CCSER1: variants seen among roughly 807,000 people sequenced by gnomAD.
CCSER1 encodes the protein serine-rich coiled-coil domain-containing protein 1.
A neutral mutation model predicts 82.0 loss-of-function variants in CCSER1; 41 were observed. The observed-to-expected ratio is 0.50, with a 90% CI of 0.39 to 0.65. The LOEUF (loss-of-function observed/expected upper bound fraction) is 0.65, where lower values mean the gene tolerates loss of function less well. Among genes scored for constraint, CCSER1 ranks in the 30% least tolerant of loss-of-function variants. The pLI is 0.00. For missense variants in CCSER1, 1,119 were observed against 1,064.2 expected, an observed-to-expected ratio of 1.05 and a Z score of -0.72; for synonymous variants, 414 against 383.9, an observed-to-expected ratio of 1.08 and a Z score of -0.92.
At chr4:90,804,585 G>T (rs1246371515) in intron 7 of CCSER1, among the ~76,000 whole-genome samples, 1 of 151,988 alleles carries the variant, frequency 6.6e-6, no homozygotes, top group African/African-American at 2.4e-5. Flanking sequence ...GTCTGTTTTG[G>T]TACCAGTACC....
intron 1 of CCSER1, among the ~76,000 whole-genome samples, chr4:90,208,566 G>T (rs1417714064): frequency 6.6e-6 from 1 of 151,982 alleles, no homozygotes; most frequent in African/African-American, 2.4e-5. Context: ...AAAAACTCCT[G>T]CAGCTAGCTC....
At chr4:91,482,799 A>G (rs2110049215) in intron 10 of CCSER1, among the ~76,000 whole-genome samples, 1 of 152,310 alleles carries the variant, frequency 6.6e-6, no homozygotes, top group Non-Finnish European at 1.5e-5. Flanking sequence ...TTGTAGGGAC[A>G]TGGATGAAGC....
At chr4:90,654,629 A>G (rs1729376523) in intron 6 of CCSER1, among the ~76,000 whole-genome samples, 2 of 152,018 alleles carry the variant, frequency 1.3e-5, no homozygotes, top group Non-Finnish European at 2.9e-5. Context: ...AAGTTTTCCC[A>G]TTCATTTATT....
At chr4:90,398,251 T>TA (rs1335199639) in intron 3 of CCSER1, among the ~76,000 whole-genome samples, 1 of 152,210 alleles carries the variant, frequency 6.6e-6, no homozygotes, top group African/African-American at 2.4e-5. Context: ...GTTTAACCTT[T>TA]ATTGTCTCTT....
chr4:90,557,414 G>T (rs762640636), intron 5 of CCSER1, among the ~76,000 whole-genome samples: 1 of 151,968 alleles, frequency 6.6e-6, no homozygotes, highest in African/African-American at 2.4e-5. Context: ...ACTAATAATT[G>T]TATTACTAGT....
At chr4:91,453,388 G>C (rs962314115) in intron 10 of CCSER1, among the ~76,000 whole-genome samples, 1 of 151,960 alleles carries the variant, frequency 6.6e-6, no homozygotes, top group Non-Finnish European at 1.5e-5. Context: ...CAGGTCATTT[G>C]TATCTCAGGC....
chr4:90,479,406 T>C (rs1269783573), intron 5 of CCSER1, among the ~76,000 whole-genome samples: 1 of 152,154 alleles, frequency 6.6e-6, no homozygotes, highest in Non-Finnish European at 1.5e-5. Flanking sequence ...TACTTTAAGT[T>C]TTAGGGTACA....
intron 8 of CCSER1, among the ~76,000 whole-genome samples, chr4:90,825,080 C>A (rs1311553342): frequency 1.3e-5 from 2 of 152,130 alleles, no homozygotes; most frequent in African/African-American, 4.8e-5. Context: ...CTTTAATATT[C>A]AATGGAATTT....
chr4:90,773,506 G>T (rs1752503669), intron 7 of CCSER1, among the ~76,000 whole-genome samples: 1 of 152,098 alleles, frequency 6.6e-6, no homozygotes, highest in African/African-American at 2.4e-5. Context: ...TGATGGTTAG[G>T]TTTGTGATTA....
chr4:90,654,859 A>C (rs1371998832), intron 6 of CCSER1, among the ~76,000 whole-genome samples: 1 of 152,054 alleles, frequency 6.6e-6, no homozygotes, highest in Non-Finnish European at 1.5e-5. Flanking sequence ...ATAAATTTTT[A>C]TTTTATAGGT....
At chr4:90,415,778 G>A (rs994321526) in intron 4 of CCSER1, among the ~76,000 whole-genome samples, 3 of 152,180 alleles carry the variant, frequency 2.0e-5, no homozygotes, top group African/African-American at 7.2e-5. Flanking sequence ...AGTGGCAGAA[G>A]CTGATGGGAA....
At position 90,822,784 on chromosome 4, in the gene CCSER1, C is replaced by T. The variant is rs146493479; in HGVS notation, c.2094+6939C>T. Among the ~76,000 whole-genome samples the T allele has an allele frequency of 3.4e-3, 516 of 150,580 alleles. 3 individuals carry two copies. Among genetic ancestry groups the T allele is most frequent in the Non-Finnish European group, 4.9e-3 (331 of 67,698 alleles). The stretch of plus-strand genomic sequence containing the variant: ...TAAAAGTCCAATTCAAATGGGTCAC[C>T]GGAAAAACAAAATAGATTTTCTGAA... On this transcript the variant is annotated intron_variant, in intron 8 of 10. Coordinates refer to ENST00000509176, the MANE Select transcript of CCSER1 (RefSeq NM_001145065.2).
At chr4:90,702,462 G>T (rs1738361823) in intron 6 of CCSER1, among the ~76,000 whole-genome samples, 4 of 152,048 alleles carry the variant, frequency 2.6e-5, no homozygotes, top group Non-Finnish European at 4.4e-5. Flanking sequence ...GCCAGGCTTT[G>T]GTATCAGGAT....
chr4:90,825,998 G>T (rs973562381), intron 8 of CCSER1, among the ~76,000 whole-genome samples: 1 of 151,932 alleles, frequency 6.6e-6, no homozygotes, highest in Admixed American at 6.6e-5. Context: ...CACAACAATT[G>T]TTTTTTATAA....
At chr4:90,176,929 C>G (rs1732805541) in intron 1 of CCSER1, among the ~76,000 whole-genome samples, 1 of 152,012 alleles carries the variant, frequency 6.6e-6, no homozygotes, top group Non-Finnish European at 1.5e-5. Context: ...CACATTAGAA[C>G]AACCTGCTGT....
At position 91,599,237 on chromosome 4, in the gene CCSER1, A is replaced by AAAGT; in HGVS notation, c.*181_*184dup. On this transcript the variant is annotated 3_prime_UTR_variant, in exon 11 of 11. Transcript: ENST00000509176. The stretch of plus-strand genomic sequence containing the variant: ...TGTGGGTTTTTTTTTTCCAAGAGTG[A>AAAGT]AAGTTTGAGCATGTTAATTGAACTA... 1.4e-6 allele frequency: 1 copy of AAAGT among 709,466 alleles called. No homozygotes were observed. Among genetic ancestry groups the AAAGT allele is most frequent in the East Asian group, 2.8e-5 (1 of 35,316 alleles). 43.9% of individuals were successfully genotyped at this position (709,466 alleles called of 1,614,324 possible).
intron 3 of CCSER1, among the ~76,000 whole-genome samples, chr4:90,348,365 A>G (rs1198846245): frequency 6.6e-6 from 1 of 152,216 alleles, no homozygotes; most frequent in African/African-American, 2.4e-5. Context: ...CGTATTTGAA[A>G]TCATAGATTA....
At chr4:91,392,251 C>A (rs1262874537) in intron 10 of CCSER1, among the ~76,000 whole-genome samples, 1 of 151,848 alleles carries the variant, frequency 6.6e-6, no homozygotes, top group Non-Finnish European at 1.5e-5. Context: ...TTTCTCTTTG[C>A]ACATTTTTCT....
chr4:91,196,056 G>A lies in CCSER1; in HGVS notation c.2217+110062G>A, dbSNP rs553888610. Among the ~76,000 whole-genome samples the A allele has an allele frequency of 1.5e-4, 23 of 151,908 alleles. No individual in the cohort carries two copies. In the East Asian group the frequency reaches 3.5e-3, roughly 23 times the overall value. The stretch of plus-strand genomic sequence containing the variant: ...AAAAAAATTAGTCGGGTTCGGTGGC[G>A]GGCGCCTGTAGTCCCAGCTACGCGG... On this transcript the variant is annotated intron_variant, in intron 10 of 10. Transcript: ENST00000509176.
Sources: allele counts gnomAD v4.1 joint callset (sites outside exome capture counted in the v4.1 genomes callset), GRCh38; gene constraint gnomAD v4.1.1; transcripts MANE v1.5; gene names NCBI Gene and HGNC (gene_info 2026-07-23, HGNC 2026-07-21).